The following PRR16 variants were observed in gnomAD, a reference collection of about 807,000 sequenced individuals.
PRR16 encodes the protein protein Largen.
Under a neutral mutation model 18.2 loss-of-function variants are expected in PRR16, and 6 were observed. That is an observed-to-expected ratio of 0.33 (90% CI 0.18 to 0.65). The LOEUF is 0.65. Among genes scored for constraint, PRR16 ranks in the 30% least tolerant of loss-of-function variants. The pLI is 0.74. For synonymous variants in PRR16, 151 were observed against 147.8 expected, an observed-to-expected ratio of 1.02 and a Z score of -0.16; for missense variants, 412 against 376.6, an observed-to-expected ratio of 1.09 and a Z score of -0.78.
At chr5:120,615,214 C>T (rs1754466210) in intron 1 of PRR16, among the ~76,000 whole-genome samples, 1 of 152,040 alleles carries the variant, frequency 6.6e-6, no homozygotes, top group Admixed American at 6.6e-5. Context: ...AGAAATAGCC[C>T]CCAAGTACCT....
chr5:120,604,168 T>C (rs905237959), intron 1 of PRR16, among the ~76,000 whole-genome samples: 3 of 151,956 alleles, frequency 2.0e-5, no homozygotes, highest in African/African-American at 7.2e-5. Context: ...AAGTCTCCCA[T>C]GGTTATTTTG....
intron 1 of PRR16, among the ~76,000 whole-genome samples, chr5:120,559,157 A>G (rs1752502076): frequency 6.6e-6 from 1 of 151,574 alleles, no homozygotes; most frequent in African/African-American, 2.4e-5. Flanking sequence ...AGTTGATGTG[A>G]TCCCGTTTGT....
chr5:120,468,294 A>G (rs940800776), intron 1 of PRR16, among the ~76,000 whole-genome samples: 1 of 152,188 alleles, frequency 6.6e-6, no homozygotes, highest in Non-Finnish European at 1.5e-5. Context: ...CAAATGTTGT[A>G]ACTAAATACT....
chr5:120,770,309 G>A, the PRR16 span, among the ~76,000 whole-genome samples: 1 of 151,916 alleles, frequency 6.6e-6, no homozygotes, highest in Non-Finnish European at 1.5e-5. Flanking sequence ...ACGATCAGTT[G>A]AATCCATGAT....
chr5:120,586,723 C>T (rs953611995), intron 1 of PRR16, among the ~76,000 whole-genome samples: 2 of 152,084 alleles, frequency 1.3e-5, no homozygotes, highest in Non-Finnish European at 2.9e-5. Flanking sequence ...GTCTTTCTTC[C>T]TCTCCTTGGT....
At chr5:120,552,787 A>G (rs1413596122) in intron 1 of PRR16, among the ~76,000 whole-genome samples, 3 of 151,934 alleles carry the variant, frequency 2.0e-5, no homozygotes, top group Admixed American at 1.3e-4. Context: ...TGAGAACATC[A>G]TGACTGTTGT....
chr5:120,643,302 T>A (rs2150126382), intron 1 of PRR16, among the ~76,000 whole-genome samples: 1 of 152,238 alleles, frequency 6.6e-6, no homozygotes, highest in South Asian at 2.1e-4. Flanking sequence ...TTAAGTCGTT[T>A]GAAAATAGCA....
chr5:120,592,534 G>A (rs901083653), intron 1 of PRR16, among the ~76,000 whole-genome samples: 16 of 152,060 alleles, frequency 1.1e-4, no homozygotes, highest in Admixed American at 3.3e-4. Flanking sequence ...ATAGGCTTTC[G>A]GTGAGTGACA....
At chr5:120,533,592 GA>G (rs1268167983) in intron 1 of PRR16, among the ~76,000 whole-genome samples, 2 of 152,080 alleles carry the variant, frequency 1.3e-5, no homozygotes, top group African/African-American at 4.8e-5. Context: ...CTATCTTTGG[GA>G]AAAACATTCT....
chr5:120,635,225 CA>C (rs1440080497), intron 1 of PRR16, among the ~76,000 whole-genome samples: 1 of 151,994 alleles, frequency 6.6e-6, no homozygotes, highest in Non-Finnish European at 1.5e-5. Context: ...GACACTATTC[CA>C]AAAGATAGAG....
chr5:120,579,820 G>C (rs1321258718), intron 1 of PRR16, among the ~76,000 whole-genome samples: 2 of 152,006 alleles, frequency 1.3e-5, no homozygotes, highest in Non-Finnish European at 2.9e-5. Flanking sequence ...AATTTACAAG[G>C]GCAGTATGGC....
intron 1 of PRR16, among the ~76,000 whole-genome samples, chr5:120,497,804 T>A (rs1230408013): frequency 6.6e-6 from 1 of 151,518 alleles, no homozygotes; most frequent in Non-Finnish European, 1.5e-5. Context: ...TATTATCATA[T>A]ACATAACATT....
chr5:120,545,896 A>C (rs186580332), intron 1 of PRR16, among the ~76,000 whole-genome samples: 57 of 152,168 alleles, frequency 3.7e-4, no homozygotes, highest in African/African-American at 1.3e-3. Flanking sequence ...CCAATTTCTT[A>C]TTAAGTAATT....
At chr5:120,620,310 A>G (rs1180240998) in intron 1 of PRR16, among the ~76,000 whole-genome samples, 1 of 152,172 alleles carries the variant, frequency 6.6e-6, no homozygotes, top group African/African-American at 2.4e-5. Flanking sequence ...AGAAGTTGTA[A>G]TGGTGAAACA....
intron 1 of PRR16, among the ~76,000 whole-genome samples, chr5:120,640,880 C>T (rs575713157): frequency 6.6e-6 from 1 of 152,180 alleles, no homozygotes; most frequent in African/African-American, 2.4e-5. Context: ...GCAGTTTTCA[C>T]TTTGCCATTC....
chr5:120,557,360 G>A (rs185574483), intron 1 of PRR16, among the ~76,000 whole-genome samples: 1 of 151,936 alleles, frequency 6.6e-6, no homozygotes, highest in African/African-American at 2.4e-5. Context: ...AAATCTAAAT[G>A]TATACTTGCA....
chr5:120,655,374 CTTTTT>C (rs5870910), intron 1 of PRR16, among the ~76,000 whole-genome samples: 4 of 95,672 alleles, frequency 4.2e-5, no homozygotes, highest in African/African-American at 6.8e-5. Flanking sequence ...AATAATTGAC[CTTTTT>C]TTTTTTTTTA....
At chr5:120,701,617 T>C in the PRR16 span, among the ~76,000 whole-genome samples, 4 of 151,802 alleles carry the variant, frequency 2.6e-5, no homozygotes, top group Non-Finnish European at 5.9e-5. Flanking sequence ...TGAGGAAGAA[T>C]TGGGATCTAG....
intron 1 of PRR16, among the ~76,000 whole-genome samples, chr5:120,518,409 G>A (rs911695435): frequency 2.6e-5 from 4 of 152,082 alleles, no homozygotes; most frequent in Admixed American, 6.6e-5. Context: ...CTTTGTATAA[G>A]AAGGAGACTA....
Sources: allele counts gnomAD v4.1 joint callset (sites outside exome capture counted in the v4.1 genomes callset), GRCh38; gene constraint gnomAD v4.1.1; transcripts MANE v1.5; gene names NCBI Gene and HGNC (gene_info 2026-07-23, HGNC 2026-07-21).